ATP1A1: variants seen among roughly 807,000 people sequenced by gnomAD.
ATP1A1 encodes the protein sodium/potassium-transporting ATPase subunit alpha-1.
ATP1A1 carries 14 observed loss-of-function variants against 114.8 expected under a neutral mutation model. That is an observed-to-expected ratio of 0.12 (90% CI 0.08 to 0.19). The LOEUF (loss-of-function observed/expected upper bound fraction) is 0.19, where lower values mean the gene tolerates loss of function less well. ATP1A1 is among the 10% of genes least tolerant of loss of function. The pLI is 1.00. For missense variants in ATP1A1, 524 were observed against 1,290.7 expected, an observed-to-expected ratio of 0.41 and a Z score of 9.10; for synonymous variants, 471 against 466.3, an observed-to-expected ratio of 1.01 and a Z score of -0.13.
At position 116,389,911 on chromosome 1, in the gene ATP1A1, A is replaced by C. The variant is rs1226557843; in HGVS notation, c.1023+204A>C. ...TATACGTAAGATAACCCCAAAGCATACATTTTGCTTTTAAATTATCACGTG... is the reference window on the plus strand; with the variant it reads ...TATACGTAAGATAACCCCAAAGCATCCATTTTGCTTTTAAATTATCACGTG... On this transcript the variant is annotated intron_variant, in intron 8 of 22. Transcript: ENST00000295598. This position sits in a 1 kb window ranked among gnomAD's most constrained non-coding sequence, Gnocchi z 6.9. 3.5e-6 allele frequency: 3 copies of C among 853,346 alleles called. No individual in the cohort carries two copies. The Admixed American group carries it at 8.7e-5, about 25-fold the overall frequency. The allele number at this position is 853,346 out of a possible 1,614,324, so 52.9% of individuals were successfully genotyped here. A position where few individuals can be genotyped will look rare whatever the true frequency, so the allele number is the denominator to read the frequency against.
At chr1:116,374,106 C>T (rs1200123013) in intron 1 of ATP1A1, 2 of 1,490,282 alleles carry the variant, frequency 1.3e-6, no homozygotes, top group Admixed American at 4.4e-5. Context: ...CCTGGGGACG[C>T]TGGGGCTTAG....
chr1:116,394,481 G>C (rs1171928543), intron 12 of ATP1A1, among the ~76,000 whole-genome samples: 1 of 129,850 alleles, frequency 7.7e-6, no homozygotes, highest in Non-Finnish European at 1.5e-5. Flanking sequence ...CAAAGTGGAA[G>C]CAGTCTCTCT....
At chr1:116,390,134 C>T in intron 8 of ATP1A1, 79 bp from the exon 9 acceptor site, 1 of 1,381,378 alleles carries the variant, frequency 7.2e-7, no homozygotes, top group Non-Finnish European at 1.0e-6. Flanking sequence ...CAAATTTCTT[C>T]CACATTAGGA....
Position 116,388,120 on chromosome 1 carries a change from T to A in ATP1A1, c.388-11T>A. The A allele has an allele frequency of 6.3e-7, 1 of 1,596,964 alleles. No homozygotes were observed. The highest frequency in any genetic ancestry group is 1.1e-5 in the South Asian group (1 of 89,722). ...AGAGCCACGGGCCCTAACTTGTCTTTTCCCTTCCAGCTGTACCTGGGTGTG... is the reference window on the plus strand; with the variant it reads ...AGAGCCACGGGCCCTAACTTGTCTTATCCCTTCCAGCTGTACCTGGGTGTG... On this transcript the variant is annotated splice_polypyrimidine_tract_variant and intron_variant, in intron 4 of 22. Coordinates refer to ENST00000295598, the MANE Select transcript of ATP1A1 (RefSeq NM_000701.8). The surrounding 1 kb of genome is among the most constrained non-coding windows in gnomAD (Gnocchi z 5.6).
intron 10 of ATP1A1, among the ~76,000 whole-genome samples, chr1:116,391,850 C>T (rs1002976651): frequency 6.6e-6 from 1 of 152,106 alleles, no homozygotes; most frequent in South Asian, 2.1e-4. Context: ...TTAAAAAACC[C>T]CAGAAAGGTA....
Position 116,395,814 on chromosome 1 carries a change from C to T in ATP1A1, c.1836+529C>T, listed in dbSNP as rs1376295062. Reference sequence around the variant, plus strand: ...TTGCCCAGGCTGGAATGTCATAGCACGATCTCGGCTCACTGCAACCTCCGC... The same window carrying T: ...TTGCCCAGGCTGGAATGTCATAGCATGATCTCGGCTCACTGCAACCTCCGC... On this transcript the variant is annotated intron_variant, in intron 13 of 22. Transcript: ENST00000295598. The surrounding 1 kb of genome is among the most constrained non-coding windows in gnomAD (Gnocchi z 6.4). 3.9e-5 allele frequency among the ~76,000 whole-genome samples: 6 copies of T among 152,130 alleles called. No homozygotes were observed. Among genetic ancestry groups the T allele is most frequent in the Non-Finnish European group, 8.8e-5 (6 of 68,020 alleles).
Position 116,393,796 on chromosome 1 carries a change from C to T in ATP1A1, c.1660+73C>T. 1 of 1,424,460 alleles carries T rather than the reference C, an allele frequency of 7.0e-7. No individual in the cohort carries two copies. Among genetic ancestry groups the T allele is most frequent in the South Asian group, 1.4e-5 (1 of 73,262 alleles). The allele number at this position is 1,424,460 out of a possible 1,614,324, so 88.2% of individuals were successfully genotyped here. A position where few individuals can be genotyped will look rare whatever the true frequency, so the allele number is the denominator to read the frequency against. Reference sequence around the variant, plus strand: ...GTAACCTAGTCTGGTAGACAGTTAACAAGTGATCCTATGAACCTCTATGTC... The same window carrying T: ...GTAACCTAGTCTGGTAGACAGTTAATAAGTGATCCTATGAACCTCTATGTC... On this transcript the variant is annotated intron_variant, in intron 12 of 22. Transcript: ENST00000295598. The surrounding 1 kb of genome is among the most constrained non-coding windows in gnomAD (Gnocchi z 5.0).
intron 3 of ATP1A1, among the ~76,000 whole-genome samples, chr1:116,386,953 T>C (rs1652140575): frequency 6.6e-6 from 1 of 152,204 alleles, no homozygotes; most frequent in African/African-American, 2.4e-5. Flanking sequence ...TGAAAATAGA[T>C]ACCTTTTTGG....
intron 1 of ATP1A1, chr1:116,374,024 T>A (rs1570936860): frequency 4.9e-5 from 1 of 20,336 alleles, no homozygotes; most frequent in Non-Finnish European, 5.6e-5. Context: ...CGCCGGGGCC[T>A]CCTCCCGGGC....
At position 116,400,829 on chromosome 1, in the gene ATP1A1, G is replaced by GTTC. The variant is rs112204234; in HGVS notation, c.2573-30_2573-28dup. The GTTC allele has an allele frequency of 0.029, 46,977 of 1,612,610 alleles. 7,730 individuals carry two copies. In the African/African-American group the frequency reaches 0.43, roughly 15 times the overall value. ...CTATACAGGTACCCTTGTGTGTGAG[G>GTTC]TTCTAGTAATTGGGTTGTTTTCCCA... is the stretch of plus-strand genomic sequence containing the variant. On this transcript the variant is annotated intron_variant, in intron 18 of 22. Coordinates refer to ENST00000295598, the MANE Select transcript of ATP1A1 (RefSeq NM_000701.8).
At chr1:116,373,643 G>A in intron 1 of ATP1A1, 120 bp downstream of exon 1, 1 of 1,180,172 alleles carries the variant, frequency 8.5e-7, no homozygotes, top group East Asian at 3.2e-5. Flanking sequence ...GCCGCGTGGA[G>A]TGGGCTGGCA....
intron 21 of ATP1A1, among the ~76,000 whole-genome samples, chr1:116,403,618 A>T (rs1466264403): frequency 1.3e-5 from 2 of 152,254 alleles, no homozygotes; most frequent in African/African-American, 4.8e-5. Context: ...AAGTCTTATG[A>T]AATCCAAACT....
rs1315985440 is a variant in ATP1A1 at position 116,389,452 on chromosome 1, T to C, written c.768T>C (p.Gly256=). The part of the protein sequence containing the change: ...STNCVEGTAR[G]IVVYTGDRTV... The stretch of plus-strand genomic sequence containing the variant: ...CTTCTTTTTAAGGCACCGCACGTGG[T>C]ATTGTTGTCTACACTGGGGATCGCA... The change falls in exon 8 of 23, where the codon GGT becomes GGC. Residue 256 remains glycine (G), a synonymous_variant. Coordinates refer to ENST00000295598, the MANE Select transcript of ATP1A1 (RefSeq NM_000701.8). This position sits in a 1 kb window ranked among gnomAD's most constrained non-coding sequence, Gnocchi z 6.9. 3 of 1,614,104 alleles carry C rather than the reference T, an allele frequency of 1.9e-6. No homozygotes were observed. Among genetic ancestry groups the C allele is most frequent in the African/African-American group, 2.7e-5 (2 of 74,934 alleles).
At position 116,393,905 on chromosome 1, in the gene ATP1A1, G is replaced by A. The variant is rs1474736413; in HGVS notation, c.1660+182G>A. Among the ~76,000 whole-genome samples, 1 of 152,118 alleles carries A rather than the reference G, an allele frequency of 6.6e-6. No homozygotes were observed. Among genetic ancestry groups the A allele is most frequent in the African/African-American group, 2.4e-5 (1 of 41,420 alleles). On this transcript the variant is annotated intron_variant, in intron 12 of 22. Transcript: ENST00000295598. The surrounding 1 kb of genome is among the most constrained non-coding windows in gnomAD (Gnocchi z 5.0). ...TATTATTTTGAAAACAATAAGTGCT[G>A]AAGAAATGTTCAGCGTATTGGGCTG...
Position 116,393,047 on chromosome 1 carries a change from G to T in ATP1A1, c.1467+59G>T, listed in dbSNP as rs1284005416. 1.3e-6 allele frequency: 2 copies of T among 1,592,874 alleles called. No homozygotes were observed. The highest frequency in any genetic ancestry group is 1.7e-6 in the Non-Finnish European group (2 of 1,168,934). On this transcript the variant is annotated intron_variant, in intron 11 of 22. Coordinates refer to ENST00000295598, the MANE Select transcript of ATP1A1 (RefSeq NM_000701.8). The surrounding 1 kb of genome is among the most constrained non-coding windows in gnomAD (Gnocchi z 5.0). ...GCAAGCTGGGGGACAAAGAGGGGAG[G>T]TACATGAGCAGGAAGAGGAAATATT... is the stretch of plus-strand genomic sequence containing the variant.
rs1003114854 is a variant in ATP1A1, at chr1:116,398,910, A to G, written c.2294-20A>G. 6.8e-6 allele frequency: 11 copies of G among 1,613,794 alleles called. No individual in the cohort carries two copies. The highest frequency in any genetic ancestry group is 1.7e-6 in the Non-Finnish European group (2 of 1,179,806). ...GTGCTTGTCTCATAAGCTAACAGTA[A>G]AAAATCTTGGTTTTCATAGGTCGTC... On this transcript the variant is annotated intron_variant, in intron 16 of 22. Coordinates refer to ENST00000295598, the MANE Select transcript of ATP1A1 (RefSeq NM_000701.8). The surrounding 1 kb of genome is among the most constrained non-coding windows in gnomAD (Gnocchi z 6.1).
At position 116,390,505 on chromosome 1, in the gene ATP1A1, T is replaced by A. The variant is rs538387622; in HGVS notation, c.1222+94T>A. The A allele has an allele frequency of 1.8e-4, 219 of 1,249,722 alleles. No individual in the cohort carries two copies. In the African/African-American group the frequency reaches 2.7e-3, roughly 16 times the overall value. The allele number at this position is 1,249,722 out of a possible 1,614,324, so 77.4% of individuals were successfully genotyped here. ...TTGCATGAAATTTCTTTTTTTTTTT[T>A]AAGCTCATGGCAGCTTTTTCTTTCT... On this transcript the variant is annotated intron_variant, in intron 9 of 22. Transcript: ENST00000295598.
chr1:116,377,110 A>G (rs918760031), intron 1 of ATP1A1, among the ~76,000 whole-genome samples: 3 of 152,258 alleles, frequency 2.0e-5, no homozygotes, highest in African/African-American at 4.8e-5. Context: ...AGGATTTTGT[A>G]TGGTAAAGTA....
chr1:116,378,289 C>T (rs1260117236), intron 1 of ATP1A1, among the ~76,000 whole-genome samples: 8 of 152,178 alleles, frequency 5.3e-5, no homozygotes. Flanking sequence ...CAGTGAATCT[C>T]TTTATCTGGT....
Sources: allele counts gnomAD v4.1 joint callset (sites outside exome capture counted in the v4.1 genomes callset), GRCh38; gene constraint gnomAD v4.1.1; non-coding constraint Gnocchi (gnomAD v3.1); transcripts MANE v1.5; gene names NCBI Gene and HGNC (gene_info 2026-07-23, HGNC 2026-07-21).